Variants in IGSF5 observed in about 807,000 individuals in gnomAD.
IGSF5 encodes immunoglobulin superfamily 5 like.
IGSF5 carries 41 observed loss-of-function variants against 39.4 expected under a neutral mutation model. The ratio of observed to expected loss-of-function variants is 1.04; its 90% CI spans 0.81 to 1.35. The LOEUF (loss-of-function observed/expected upper bound fraction) is 1.35, where lower values mean the gene tolerates loss of function less well. IGSF5 is among the 40% of genes most tolerant of loss of function. The pLI is 0.00. For synonymous variants in IGSF5, 183 were observed against 175.3 expected (o/e 1.04, Z -0.34); for missense variants, 487 against 494.6 (o/e 0.98, Z 0.15).
intron 2 of IGSF5, among the ~76,000 whole-genome samples, chr21:39,754,127 A>G (rs1004537376): frequency 5.3e-5 from 8 of 152,208 alleles, no homozygotes; most frequent in Admixed American, 2.0e-4. Context: ...TTGGGTGCAT[A>G]TCAAACTTCT....
chr21:39,777,310 G>A (rs2080146334), intron 4 of IGSF5, among the ~76,000 whole-genome samples: 1 of 152,156 alleles, frequency 6.6e-6, no homozygotes, highest in Admixed American at 6.5e-5. Flanking sequence ...CTGCGTACAA[G>A]GGATTCCCAA....
chr21:39,729,740 G>A, the IGSF5 span: 1 of 152,176 alleles, frequency 6.6e-6, no homozygotes, highest in East Asian at 1.9e-4. Flanking sequence ...GGGAAGTAAT[G>A]TTAAGACTGT....
the IGSF5 span, among the ~76,000 whole-genome samples, chr21:39,727,565 G>T: frequency 2.0e-4 from 30 of 152,238 alleles, no homozygotes; most frequent in African/African-American, 7.2e-4. Context: ...GCTCAGGCAG[G>T]TCACCCAGAC....
At chr21:39,762,058 G>A (rs754032569) in intron 2 of IGSF5, among the ~76,000 whole-genome samples, 3 of 152,162 alleles carry the variant, frequency 2.0e-5, no homozygotes, top group Non-Finnish European at 4.4e-5. Flanking sequence ...GGCAGGGCTC[G>A]AGATGTGGAT....
intron 6 of IGSF5, among the ~76,000 whole-genome samples, chr21:39,791,099 G>C (rs189754666): frequency 6.6e-6 from 1 of 152,148 alleles, no homozygotes; most frequent in East Asian, 1.9e-4. Context: ...AGTCCTAAAA[G>C]CTGGGCCAGA....
the IGSF5 span, among the ~76,000 whole-genome samples, chr21:39,737,614 C>G: frequency 6.6e-6 from 1 of 152,160 alleles, no homozygotes. Flanking sequence ...TTGCAACTCA[C>G]ACCATGAAGA....
chr21:39,756,126 A>C (rs2080029423), intron 2 of IGSF5, among the ~76,000 whole-genome samples: 1 of 152,040 alleles, frequency 6.6e-6, no homozygotes, highest in African/African-American at 2.4e-5. Context: ...AACAAACGAA[A>C]GAATTACAGA....
At chr21:39,774,268 C>A (rs1569254262) in intron 4 of IGSF5, among the ~76,000 whole-genome samples, 1 of 152,234 alleles carries the variant, frequency 6.6e-6, no homozygotes. Context: ...GTAAGGAGAA[C>A]AGCCAGGTTT....
chr21:39,794,201 A>T (rs1443507848), intron 8 of IGSF5, among the ~76,000 whole-genome samples: 1 of 152,218 alleles, frequency 6.6e-6, no homozygotes, highest in Non-Finnish European at 1.5e-5. Flanking sequence ...TTATGGCCAG[A>T]ACGGCTAAGA....
rs1340927586 is a variant in IGSF5 at position 39,745,453 on chromosome 21, G to C, written c.-57G>C. The C allele has an allele frequency of 5.6e-6, 4 of 709,120 alleles. No homozygotes were observed. In the East Asian group the frequency reaches 1.1e-4, roughly 19 times the overall value. The allele number at this position is 709,120 out of a possible 1,614,324, so 43.9% of individuals were successfully genotyped here. A position where few individuals can be genotyped will look rare whatever the true frequency, so the allele number is the denominator to read the frequency against. On this transcript the variant is annotated 5_prime_UTR_variant, in exon 1 of 9. Coordinates refer to ENST00000380588, the MANE Select transcript of IGSF5 (RefSeq NM_001080444.2). ...GGGATCAGAGGAAGTAGATTCAGAG[G>C]TAAGGAGAATTTTGGGGCTATACTT...
rs185817185 is a variant in IGSF5 at position 39,771,381 on chromosome 21, T to C, written c.718+166T>C. 5.6e-4 allele frequency among the ~76,000 whole-genome samples: 85 copies of C among 152,376 alleles called. 2 individuals are homozygous for C. Among genetic ancestry groups the C allele is most frequent in the Admixed American group, 4.9e-3 (75 of 15,308 alleles). ...ATCTGCTGTCAGCTTAATAATCTTA[T>C]ACCCTCGTCTGCTTTTTAAATTCCA... On this transcript the variant is annotated intron_variant, in intron 4 of 8. Coordinates refer to ENST00000380588, the MANE Select transcript of IGSF5 (RefSeq NM_001080444.2).
chr21:39,751,020 C>T (rs971570485), intron 2 of IGSF5, among the ~76,000 whole-genome samples: 1 of 152,164 alleles, frequency 6.6e-6, no homozygotes, highest in Non-Finnish European at 1.5e-5. Context: ...GTTCCCAGCC[C>T]GGGGCCTGGA....
At chr21:39,738,153 G>A in the IGSF5 span, among the ~76,000 whole-genome samples, 15 of 152,192 alleles carry the variant, frequency 9.9e-5, no homozygotes, top group Non-Finnish European at 2.2e-4. This position sits in a 1 kb window ranked among gnomAD's most constrained non-coding sequence, Gnocchi z 6.4. Flanking sequence ...CATACCCAAG[G>A]CTGGGAAGAA....
intron 2 of IGSF5, among the ~76,000 whole-genome samples, chr21:39,755,542 G>A (rs933064433): frequency 2.0e-5 from 3 of 148,796 alleles, no homozygotes; most frequent in African/African-American, 2.5e-5. Flanking sequence ...AGCCAAGATC[G>A]CACCATTGCA....
intron 2 of IGSF5, among the ~76,000 whole-genome samples, chr21:39,746,803 A>G (rs1384229704): frequency 6.6e-6 from 1 of 152,184 alleles, no homozygotes; most frequent in African/African-American, 2.4e-5. Flanking sequence ...TATTATTATT[A>G]GCTATCATTG....
intron 5 of IGSF5, among the ~76,000 whole-genome samples, chr21:39,783,568 C>G (rs1118103): frequency 0.78 from 119,257 of 152,040 alleles, 46,861 homozygotes; most frequent in Admixed American, 0.83. Flanking sequence ...TTTAACATTG[C>G]ATTGTTTTTT....
At chr21:39,723,330 G>T in the IGSF5 span, among the ~76,000 whole-genome samples, 5 of 152,172 alleles carry the variant, frequency 3.3e-5, no homozygotes, top group East Asian at 3.8e-4. Context: ...TGCCATGTGG[G>T]TGTCTCCAAC....
chr21:39,743,109 CCTT>C (rs2079955076), upstream of IGSF5, among the ~76,000 whole-genome samples: 1 of 152,194 alleles, frequency 6.6e-6, no homozygotes, highest in Non-Finnish European at 1.5e-5. Flanking sequence ...TTTCCTTAGT[CCTT>C]CTAGCACACA....
intron 5 of IGSF5, among the ~76,000 whole-genome samples, chr21:39,779,762 A>G (rs756195756): frequency 6.6e-6 from 1 of 152,196 alleles, no homozygotes; most frequent in Non-Finnish European, 1.5e-5. Context: ...CCCTGGAGAG[A>G]CCTAAAGGAT....
Sources: allele counts gnomAD v4.1 joint callset (sites outside exome capture counted in the v4.1 genomes callset), GRCh38; gene constraint gnomAD v4.1.1; non-coding constraint Gnocchi (gnomAD v3.1); transcripts MANE v1.5; gene names NCBI Gene and HGNC (gene_info 2026-07-23, HGNC 2026-07-21).